Variants in SLC20A2 observed in about 807,000 individuals in gnomAD.
The protein encoded by SLC20A2 is solute carrier family 20 member 2, also known as sodium-dependent phosphate transporter 2.
SLC20A2 carries 30 observed loss-of-function variants against 61.0 expected under a neutral mutation model. That is an observed-to-expected ratio of 0.49 (90% CI 0.37 to 0.67). SLC20A2 has a LOEUF of 0.67. SLC20A2 is among the 30% of genes least tolerant of loss of function. The pLI is 0.00. For synonymous variants in SLC20A2, 351 were observed against 353.3 expected, an observed-to-expected ratio of 0.99 and a Z score of 0.07; for missense variants, 626 against 866.4, an observed-to-expected ratio of 0.72 and a Z score of 3.48.
chr8:42,462,996 C>A lies in SLC20A2; in HGVS notation c.516+9G>T. On this transcript the variant is annotated intron_variant, in intron 4 of 10. Transcript: ENST00000520262. Reference sequence around the variant, plus strand: ...TTAAGATTTAATTAAAAGTAGCAGCCCCACTTACCTTTTTTAAGATGAAAA... The same window carrying A: ...TTAAGATTTAATTAAAAGTAGCAGCACCACTTACCTTTTTTAAGATGAAAA... The A allele has an allele frequency of 6.5e-7, 1 of 1,540,616 alleles. No homozygotes were observed. Among genetic ancestry groups the A allele is most frequent in the Non-Finnish European group, 8.8e-7 (1 of 1,135,408 alleles).
intron 5 of SLC20A2, among the ~76,000 whole-genome samples, chr8:42,449,619 C>CAT (rs1468635763): frequency 6.6e-6 from 1 of 152,208 alleles, no homozygotes; most frequent in Non-Finnish European, 1.5e-5. Flanking sequence ...CATCATCTCC[C>CAT]TACAATCTTC....
At chr8:42,478,317 T>C (rs559007837) in intron 1 of SLC20A2, among the ~76,000 whole-genome samples, 18 of 149,660 alleles carry the variant, frequency 1.2e-4, no homozygotes, top group Middle Eastern at 3.4e-3. Flanking sequence ...GTTCAAGCAA[T>C]TCTCCTGTCT....
chr8:42,472,221 G>A lies in SLC20A2; in HGVS notation c.170C>T (p.Thr57Ile), dbSNP rs370097341. The change falls in exon 2 of 11, where the codon ACC becomes ATC. Residue 57 changes from threonine (T) to isoleucine (I), a missense_variant. This residue lies in a region of SLC20A2 where 127 missense variants were observed against 215.4 expected (regional missense o/e 0.59). Coordinates refer to ENST00000520262, the MANE Select transcript of SLC20A2 (RefSeq NM_001257180.2). The surrounding 1 kb of genome is among the most constrained non-coding windows in gnomAD (Gnocchi z 4.1). ...ACILASIFET[T>I]GSVLLGAKVG... Reference sequence around the variant, plus strand: ...TTTGGCGCCTAGTAACACGGAGCCGGTGGTTTCAAATATTGAAGCTAAAAT... The same window carrying A: ...TTTGGCGCCTAGTAACACGGAGCCGATGGTTTCAAATATTGAAGCTAAAAT... The A allele has an allele frequency of 4.3e-6, 7 of 1,614,050 alleles. No homozygotes were observed. Among genetic ancestry groups the A allele is most frequent in the Admixed American group, 1.7e-5 (1 of 59,974 alleles).
intron 1 of SLC20A2, among the ~76,000 whole-genome samples, chr8:42,498,547 C>T (rs1297766900): frequency 6.6e-6 from 1 of 152,162 alleles, no homozygotes; most frequent in East Asian, 1.9e-4. Flanking sequence ...TTTCCTTGTG[C>T]ACCGCATGTG....
At chr8:42,491,710 A>G (rs1056697542) in intron 1 of SLC20A2, among the ~76,000 whole-genome samples, 1 of 152,074 alleles carries the variant, frequency 6.6e-6, no homozygotes, top group Non-Finnish European at 1.5e-5. Context: ...GATGACCATC[A>G]GTTTTCCTGC....
At chr8:42,496,712 G>C (rs953010045) in intron 1 of SLC20A2, among the ~76,000 whole-genome samples, 10 of 152,234 alleles carry the variant, frequency 6.6e-5, no homozygotes. Context: ...CTGACACACA[G>C]ATAATACATT....
chr8:42,489,828 G>C (rs1260970032), intron 1 of SLC20A2, among the ~76,000 whole-genome samples: 1 of 152,170 alleles, frequency 6.6e-6, no homozygotes, highest in Admixed American at 6.5e-5. Context: ...CACAGTTCAG[G>C]GAGTAAGGGT....
At chr8:42,531,047 G>GT in intron 1 of SLC20A2, among the ~76,000 whole-genome samples, 1 of 152,132 alleles carries the variant, frequency 6.6e-6, no homozygotes, top group Admixed American at 6.5e-5. Flanking sequence ...CAGTTCTCCT[G>GT]TAATAGCTGC....
At chr8:42,491,871 C>T (rs925988994) in intron 1 of SLC20A2, among the ~76,000 whole-genome samples, 8 of 152,174 alleles carry the variant, frequency 5.3e-5, no homozygotes, top group Non-Finnish European at 1.5e-5. Flanking sequence ...GCATTATGCA[C>T]ATCTATACTC....
intron 1 of SLC20A2, among the ~76,000 whole-genome samples, chr8:42,527,512 T>C (rs1271674673): frequency 6.6e-6 from 1 of 152,160 alleles, no homozygotes; most frequent in East Asian, 1.9e-4. Flanking sequence ...ATGCAGTGGC[T>C]CACACCTGTA....
chr8:42,454,220 T>G (rs1805958713), intron 5 of SLC20A2, among the ~76,000 whole-genome samples: 2 of 152,152 alleles, frequency 1.3e-5, no homozygotes, highest in Non-Finnish European at 2.9e-5. Flanking sequence ...GCAAGGATGG[T>G]CTCGATCTCC....
chr8:42,457,505 A>G (rs6474398), intron 5 of SLC20A2, among the ~76,000 whole-genome samples: 24,883 of 150,592 alleles, frequency 0.17, 5,791 homozygotes, highest in African/African-American at 0.53. Flanking sequence ...TTTTGAGACA[A>G]AGTCTCGCTG....
intron 10 of SLC20A2, among the ~76,000 whole-genome samples, chr8:42,420,163 G>A (rs1377481037): frequency 6.6e-6 from 1 of 151,038 alleles, no homozygotes; most frequent in Admixed American, 6.6e-5. Flanking sequence ...TCCAGCCTGG[G>A]TGACAGAGTA....
Position 42,437,059 on chromosome 8 carries a change from G to A in SLC20A2, c.1453C>T (p.Leu485Phe), listed in dbSNP as rs768894097. The A allele has an allele frequency of 3.1e-6, 5 of 1,614,102 alleles. 1 individual carries two copies. In the South Asian group the frequency reaches 5.5e-5, roughly 18 times the overall value. ...AGGACCTGCAGGAAATGGAACAGGA[G>A]GTGAACCTCGGGTGCGTCCTTCTCC... ...KEEKDAPEVH[L>F]LFHFLQVLTA... The change falls in exon 8 of 11, where the codon CTC (leucine) becomes TTC (phenylalanine). Residue 485 changes from leucine to phenylalanine, a missense_variant. Physicochemically the swap from Leu to Phe is conservative, Grantham distance 22 (BLOSUM62 0). Coordinates refer to ENST00000520262, the MANE Select transcript of SLC20A2 (RefSeq NM_001257180.2). The surrounding 1 kb of genome is among the most constrained non-coding windows in gnomAD (Gnocchi z 6.4).
intron 1 of SLC20A2, among the ~76,000 whole-genome samples, chr8:42,489,028 C>G (rs1053130840): frequency 2.1e-4 from 32 of 149,508 alleles, no homozygotes; most frequent in Non-Finnish European, 5.9e-5. Context: ...CAACCTCCGC[C>G]TCCTAGGTTC....
rs935689946 is a variant in SLC20A2, at chr8:42,461,926, A to G, written c.516+1079T>C. Among the ~76,000 whole-genome samples, 12 of 152,336 alleles carry G rather than the reference A, an allele frequency of 7.9e-5. No homozygotes were observed. The East Asian group carries it at 2.3e-3, about 29-fold the overall frequency. Reference sequence around the variant, plus strand: ...TGGGCCCTAGAATACAGAAGTGGCCAGGGCAGTCATGGTTTCTGCTCTCAC... The same window carrying G: ...TGGGCCCTAGAATACAGAAGTGGCCGGGGCAGTCATGGTTTCTGCTCTCAC... On this transcript the variant is annotated intron_variant, in intron 4 of 10. Coordinates refer to ENST00000520262, the MANE Select transcript of SLC20A2 (RefSeq NM_001257180.2).
Position 42,468,923 on chromosome 8 carries a change from A to G in SLC20A2, c.290-3006T>C, listed in dbSNP as rs148349541. ...TGGTGGTTTCCTACAAAATGGACAG[A>G]CTACTGCTTTAGGGCTGAGCTAGTC... On this transcript the variant is annotated intron_variant, in intron 2 of 10. Transcript: ENST00000520262. 2.6e-5 allele frequency among the ~76,000 whole-genome samples: 4 copies of G among 152,310 alleles called. No individual in the cohort carries two copies. In the East Asian group the frequency reaches 7.7e-4, roughly 29 times the overall value.
rs200204025 is a variant in SLC20A2 at position 42,437,483 on chromosome 8, C to T, written c.1029G>A (p.Val343=). ...FDGHTRSDGH[V]YHTVHKDSGL... ...CCGAGTCTTTGTGCACGGTGTGGTA[C>T]ACATGACCGTCGCTCCTGGTGTGGC... is the stretch of plus-strand genomic sequence containing the variant. The change falls in exon 8 of 11, where the codon GTG becomes GTA. Residue 343 remains valine (V), a synonymous_variant. Coordinates refer to ENST00000520262, the MANE Select transcript of SLC20A2 (RefSeq NM_001257180.2). This position sits in a 1 kb window ranked among gnomAD's most constrained non-coding sequence, Gnocchi z 6.4. The T allele has an allele frequency of 6.2e-7, 1 of 1,614,114 alleles. No individual in the cohort carries two copies. Among genetic ancestry groups the T allele is most frequent in the Non-Finnish European group, 8.5e-7 (1 of 1,180,020 alleles).
At chr8:42,496,072 A>C (rs533136055) in intron 1 of SLC20A2, among the ~76,000 whole-genome samples, 20 of 152,296 alleles carry the variant, frequency 1.3e-4, no homozygotes, top group Non-Finnish European at 2.2e-4. Flanking sequence ...CAAGTGCTGA[A>C]ATATTAGGGC....
Sources: allele counts gnomAD v4.1 joint callset (sites outside exome capture counted in the v4.1 genomes callset), GRCh38; gene constraint gnomAD v4.1.1; regional missense constraint gnomAD v4.1.1; non-coding constraint Gnocchi (gnomAD v3.1); transcripts MANE v1.5; gene names NCBI Gene and HGNC (gene_info 2026-07-23, HGNC 2026-07-21).